The following ZSCAN22 variants were observed in gnomAD, a reference collection of about 807,000 sequenced individuals.
ZSCAN22 encodes the protein zinc finger and SCAN domain-containing protein 22.
Under a neutral mutation model 12.4 loss-of-function variants are expected in ZSCAN22, and 7 were observed. The observed-to-expected ratio is 0.57, with a 90% confidence interval of 0.32 to 1.06. ZSCAN22 has a LOEUF of 1.06. ZSCAN22 is among the 50% of genes least tolerant of loss of function. The pLI is 0.04. For synonymous variants in ZSCAN22, 243 were observed against 255.9 expected (o/e 0.95, Z 0.48); for missense variants, 576 against 631.7 (o/e 0.91, Z 0.94).
In ZSCAN22 at chr19:58,339,374, G is replaced by C. The variant is rs576717152; in HGVS notation, c.*48G>C. On this transcript the variant is annotated 3_prime_UTR_variant, in exon 3 of 3. Coordinates refer to ENST00000329665, the MANE Select transcript of ZSCAN22 (RefSeq NM_181846.3). This position sits in a 1 kb window ranked among gnomAD's most constrained non-coding sequence, Gnocchi z 5.6. ...TAGCACAGCGTCTTCTCGGAGGCTCGAGGTCTAAGAGAAACGCTGAGTTCC... is the reference window on the plus strand; with the variant it reads ...TAGCACAGCGTCTTCTCGGAGGCTCCAGGTCTAAGAGAAACGCTGAGTTCC... 2.0e-6 allele frequency: 3 copies of C among 1,494,910 alleles called. No individual in the cohort carries two copies. Among genetic ancestry groups the C allele is most frequent in the South Asian group, 2.7e-5 (2 of 75,326 alleles). 92.6% of individuals were successfully genotyped at this position (1,494,910 alleles called of 1,614,324 possible). A position where few individuals can be genotyped will look rare whatever the true frequency, so the allele number is the denominator to read the frequency against.
chr19:58,334,001 A>T (rs551523840), intron 1 of ZSCAN22, among the ~76,000 whole-genome samples: 52 of 152,390 alleles, frequency 3.4e-4, no homozygotes, highest in African/African-American at 1.2e-3. Flanking sequence ...ATAGCCTTAA[A>T]TATGTGCATT....
In ZSCAN22 at chr19:58,335,024, C is replaced by T; in HGVS notation, c.222C>T (p.Cys74=). 1 of 1,614,076 alleles carries T rather than the reference C, an allele frequency of 6.2e-7. No individual in the cohort carries two copies. The highest frequency in any genetic ancestry group is 8.5e-7 in the Non-Finnish European group (1 of 1,180,048). The change falls in exon 2 of 3, where the codon TGC becomes TGT. Residue 74 remains cysteine (C), a synonymous_variant. Coordinates refer to ENST00000329665, the MANE Select transcript of ZSCAN22 (RefSeq NM_181846.3). The surrounding 1 kb of genome is among the most constrained non-coding windows in gnomAD (Gnocchi z 4.1). ...CCCTGGCCCACCTCCGAGCGCTGTG[C>T]TGTCAGTGGCTGCAGCCCGAGGCGC... ...HEALAHLRAL[C]CQWLQPEAHS... is the part of the protein sequence containing the mutation.
chr19:58,330,255 A>G (rs2051707614), intron 1 of ZSCAN22, among the ~76,000 whole-genome samples: 1 of 152,166 alleles, frequency 6.6e-6, no homozygotes, highest in Non-Finnish European at 1.5e-5. Context: ...GCGCCACTGC[A>G]CTCCAGCCTG....
intron 1 of ZSCAN22, among the ~76,000 whole-genome samples, chr19:58,328,742 A>G (rs1377404339): frequency 6.6e-6 from 1 of 152,186 alleles, no homozygotes; most frequent in African/African-American, 2.4e-5. Flanking sequence ...CCAGGGGTGC[A>G]AAAGAGAACT....
At position 58,334,787 on chromosome 19, in the gene ZSCAN22, T is replaced by C. The variant is rs1376118316; in HGVS notation, c.-16T>C. 1.9e-6 allele frequency: 3 copies of C among 1,578,008 alleles called. No homozygotes were observed. Among genetic ancestry groups the C allele is most frequent in the East Asian group, 2.3e-5 (1 of 44,320 alleles). On this transcript the variant is annotated 5_prime_UTR_variant, in exon 2 of 3. Coordinates refer to ENST00000329665, the MANE Select transcript of ZSCAN22 (RefSeq NM_181846.3). ...AAGGCTCCGGCATCCTGTGTCTCAC[T>C]GAGCACTGCTGCCCGATGGCCATCC...
intron 1 of ZSCAN22, among the ~76,000 whole-genome samples, chr19:58,330,188 G>A (rs1426608901): frequency 6.6e-6 from 1 of 152,186 alleles, no homozygotes; most frequent in Non-Finnish European, 1.5e-5. Context: ...TACTCGGGAG[G>A]CTGAGGCAGG....
intron 1 of ZSCAN22, among the ~76,000 whole-genome samples, chr19:58,334,188 A>G (rs1372638641): frequency 6.6e-6 from 1 of 152,200 alleles, no homozygotes; most frequent in Non-Finnish European, 1.5e-5. Flanking sequence ...GTGGGTTTGT[A>G]GCTTAGCTCT....
chr19:58,338,762 C>T lies in ZSCAN22; in HGVS notation c.912C>T (p.Ala304=), dbSNP rs780874744. The T allele has an allele frequency of 5.0e-6, 8 of 1,614,202 alleles. No homozygotes were observed. The highest frequency in any genetic ancestry group is 6.8e-6 in the Non-Finnish European group (8 of 1,180,028). ...ATGCCTGCAGCGAGTGTGGGAAAGCCTTCAGCCGGAGCACTCACCTCGCCC... is the reference window on the plus strand; with the variant it reads ...ATGCCTGCAGCGAGTGTGGGAAAGCTTTCAGCCGGAGCACTCACCTCGCCC... ...TPYACSECGK[A]FSRSTHLAQH... Residue 304 remains alanine, a synonymous_variant, in exon 3 of 3, where the codon GCC becomes GCT. Transcript: ENST00000329665. The surrounding 1 kb of genome is among the most constrained non-coding windows in gnomAD (Gnocchi z 5.4).
intron 1 of ZSCAN22, among the ~76,000 whole-genome samples, chr19:58,330,055 G>A (rs2051704020): frequency 6.6e-6 from 1 of 152,342 alleles, no homozygotes; most frequent in East Asian, 1.9e-4. Context: ...TTGGGAGGCT[G>A]AGGTGGGCGG....
At chr19:58,334,587 A>T (rs1343777154) in intron 1 of ZSCAN22, 165 bp from the exon 2 acceptor site, 1 of 556,264 alleles carries the variant, frequency 1.8e-6, no homozygotes, top group African/African-American at 1.9e-5. Context: ...GTAGCTTAGA[A>T]CAGTGCTCAG....
intron 1 of ZSCAN22, among the ~76,000 whole-genome samples, chr19:58,332,853 T>C (rs888221016): frequency 1.3e-5 from 2 of 152,208 alleles, no homozygotes; most frequent in Non-Finnish European, 2.9e-5. Context: ...GGTAACTCTG[T>C]TTAAGCTTTT....
chr19:58,338,168 CT>C lies in ZSCAN22; in HGVS notation c.404-84del. On this transcript the variant is annotated intron_variant, in intron 2 of 2. Transcript: ENST00000329665. This position sits in a 1 kb window ranked among gnomAD's most constrained non-coding sequence, Gnocchi z 5.4. ...ATGTTAGGAACGGGCCACATCTCCC[CT>C]TACAAAGTGTGACCGGGGCCCTCGG... 1 of 1,284,804 alleles carries C rather than the reference CT, an allele frequency of 7.8e-7. No homozygotes were observed. The allele number at this position is 1,284,804 out of a possible 1,614,324, so 79.6% of individuals were successfully genotyped here.
At position 58,341,210 on chromosome 19, in the gene ZSCAN22, G is replaced by C. The variant is rs1481669436; in HGVS notation, c.*1884G>C. The C allele has an allele frequency of 6.6e-6, 1 of 152,156 alleles. No homozygotes were observed. The highest frequency in any genetic ancestry group is 1.5e-5 in the Non-Finnish European group (1 of 68,016). The allele number at this position is 152,156 out of a possible 1,614,324, so 9.4% of individuals were successfully genotyped here. On this transcript the variant is annotated 3_prime_UTR_variant, in exon 3 of 3. Coordinates refer to ENST00000329665, the MANE Select transcript of ZSCAN22 (RefSeq NM_181846.3). ...CACCCAAATAAGCCTGGCATGCAGTGGCCTCAATAAAATGTGACTGTATTG... is the reference window on the plus strand; with the variant it reads ...CACCCAAATAAGCCTGGCATGCAGTCGCCTCAATAAAATGTGACTGTATTG...
At position 58,338,845 on chromosome 19, in the gene ZSCAN22, C is replaced by T. The variant is rs768089290; in HGVS notation, c.995C>T (p.Ala332Val). The T allele has an allele frequency of 1.9e-6, 3 of 1,614,078 alleles. No homozygotes were observed. Among genetic ancestry groups the T allele is most frequent in the Admixed American group, 1.7e-5 (1 of 60,020 alleles). ...CATGAGTGTAAGGAATGTGGGAAGG[C>T]CTTCAGCCGAGTCACCCACCTGACT... ...KPHECKECGK[A>V]FSRVTHLTQH... is the part of the protein sequence containing the mutation. The change falls in exon 3 of 3, where the codon GCC (alanine) becomes GTC (valine). Residue 332 changes from alanine to valine, a missense_variant. Coordinates refer to ENST00000329665, the MANE Select transcript of ZSCAN22 (RefSeq NM_181846.3). This position sits in a 1 kb window ranked among gnomAD's most constrained non-coding sequence, Gnocchi z 5.4.
chr19:58,335,326 C>T lies in ZSCAN22; in HGVS notation c.403+121C>T, dbSNP rs1233946871. ...ACCCATTCTCACATTTGTACTTTAC[C>T]GTAACTCTCACACACTGTTGTAGAC... On this transcript the variant is annotated intron_variant, in intron 2 of 2. Coordinates refer to ENST00000329665, the MANE Select transcript of ZSCAN22 (RefSeq NM_181846.3). The surrounding 1 kb of genome is among the most constrained non-coding windows in gnomAD (Gnocchi z 4.1). 11 of 1,287,756 alleles carry T rather than the reference C, an allele frequency of 8.5e-6. No individual in the cohort carries two copies. Among genetic ancestry groups the T allele is most frequent in the Middle Eastern group, 2.0e-4 (1 of 5,028 alleles). The allele number at this position is 1,287,756 out of a possible 1,614,324, so 79.8% of individuals were successfully genotyped here.
intron 2 of ZSCAN22, among the ~76,000 whole-genome samples, chr19:58,337,310 G>A (rs1204059199): frequency 6.6e-6 from 1 of 151,984 alleles, no homozygotes; most frequent in Non-Finnish European, 1.5e-5. Context: ...TGAGTGTGAG[G>A]GACAGAACCG....
Position 58,338,699 on chromosome 19 carries a change from CGAG to C in ZSCAN22, c.851_853del (p.Glu284del). The C allele has an allele frequency of 6.2e-7, 1 of 1,614,164 alleles. No homozygotes were observed. The highest frequency in any genetic ancestry group is 8.5e-7 in the Non-Finnish European group (1 of 1,180,024). ...AGATGTTCCAGAGTGCTTCGGCGCT[CGAG>C]GCACACCAGAAGACCCATTCTCGGA... On this transcript the variant is annotated inframe_deletion, in exon 3 of 3. Coordinates refer to ENST00000329665, the MANE Select transcript of ZSCAN22 (RefSeq NM_181846.3). This position sits in a 1 kb window ranked among gnomAD's most constrained non-coding sequence, Gnocchi z 5.4.
At chr19:58,331,970 T>C (rs1296056062) in intron 1 of ZSCAN22, among the ~76,000 whole-genome samples, 2 of 152,054 alleles carry the variant, frequency 1.3e-5, no homozygotes, top group African/African-American at 4.8e-5. Flanking sequence ...ACCTTCCAGG[T>C]TAAAGGGTTT....
At position 58,341,836 on chromosome 19, in the gene ZSCAN22, T is replaced by C. The variant is rs994997265; in HGVS notation, c.*2510T>C. ...GCCTGACTCCTCCCTGTGGCTACTT[T>C]TGGGACCTAAGATAAGTGACTTTCC... On this transcript the variant is annotated 3_prime_UTR_variant, in exon 3 of 3. Transcript: ENST00000329665. 51 of 152,192 alleles carry C rather than the reference T, an allele frequency of 3.4e-4. No individual in the cohort carries two copies. Among genetic ancestry groups the C allele is most frequent in the African/African-American group, 1.2e-3 (51 of 41,424 alleles). The allele number at this position is 152,192 out of a possible 1,614,324, so 9.4% of individuals were successfully genotyped here. A position where few individuals can be genotyped will look rare whatever the true frequency, so the allele number is the denominator to read the frequency against.
Sources: allele counts gnomAD v4.1 joint callset (sites outside exome capture counted in the v4.1 genomes callset), GRCh38; gene constraint gnomAD v4.1.1; non-coding constraint Gnocchi (gnomAD v3.1); transcripts MANE v1.5; gene names NCBI Gene and HGNC (gene_info 2026-07-23, HGNC 2026-07-21).